COL4A4: variants seen among roughly 807,000 people sequenced by gnomAD.
COL4A4 encodes collagen alpha-4(IV) chain.
Under a neutral mutation model 192.9 loss-of-function variants are expected in COL4A4, and 105 were observed. The ratio of observed to expected loss-of-function variants is 0.54; its 90% confidence interval spans 0.46 to 0.64. The LOEUF (loss-of-function observed/expected upper bound fraction) is 0.64. COL4A4 is among the 30% of genes least tolerant of loss of function. The pLI, the probability that COL4A4 is intolerant of heterozygous loss-of-function variation, is 0.00. For missense variants in COL4A4, 1,967 were observed against 2,169.3 expected (o/e 0.91, Z 1.85); for synonymous variants, 762 against 769.9 (o/e 0.99, Z 0.17).
At chr2:227,008,430 G>C (rs531709172) in intron 46 of COL4A4, 126 bp from the exon 47 acceptor site, 8 of 1,101,478 alleles carry the variant, frequency 7.3e-6, no homozygotes, top group Non-Finnish European at 1.1e-5. Context: ...GCCAAAGCCT[G>C]CTTCTGTGGT....
At chr2:227,121,560 T>TAAAAA (rs2061789355) in intron 4 of COL4A4, among the ~76,000 whole-genome samples, 1 of 53,706 alleles carries the variant, frequency 1.9e-5, no homozygotes, top group African/African-American at 1.6e-4. Flanking sequence ...AGACCCTATC[T>TAAAAA]CAAAAAAAAA....
the COL4A4 span, among the ~76,000 whole-genome samples, chr2:226,983,155 C>T: frequency 6.6e-6 from 1 of 152,170 alleles, no homozygotes; most frequent in Admixed American, 6.5e-5. Flanking sequence ...GGCATGTGGG[C>T]ATCCAGCTCA....
At position 227,094,226 on chromosome 2, in the gene COL4A4, C is replaced by T; in HGVS notation, c.1268G>A (p.Gly423Asp). 1.2e-6 allele frequency: 2 copies of T among 1,613,822 alleles called. No individual in the cohort carries two copies. Among genetic ancestry groups the T allele is most frequent in the Non-Finnish European group, 1.7e-6 (2 of 1,179,914 alleles). ...AGCAGAATCAGGTCTCCCAGGAATA[C>T]CAGCTTCTCCTGGAAGCCCAGGAAG... ...PGLPGLPGEA[G>D]IPGRPDSAPG... is the part of the protein sequence containing the mutation. The change falls in exon 20 of 48, where the codon GGT (glycine) becomes GAT (aspartate). Residue 423 changes from glycine to aspartate, a missense_variant. Coordinates refer to ENST00000396625, the MANE Select transcript of COL4A4 (RefSeq NM_000092.5).
At chr2:226,984,417 C>T in the COL4A4 span, among the ~76,000 whole-genome samples, 3 of 152,204 alleles carry the variant, frequency 2.0e-5, no homozygotes, top group Admixed American at 1.3e-4. Context: ...AGTGCAAGCT[C>T]TGGCCTCTTC....
chr2:227,000,716 G>C (rs1478710727), downstream of COL4A4, among the ~76,000 whole-genome samples: 2 of 151,852 alleles, frequency 1.3e-5, no homozygotes, highest in Admixed American at 1.3e-4. Flanking sequence ...GGCTCCAGAG[G>C]TAATATGGTT....
intron 19 of COL4A4, among the ~76,000 whole-genome samples, chr2:227,095,953 C>A (rs1477463011): frequency 6.6e-6 from 1 of 152,038 alleles, no homozygotes; most frequent in East Asian, 1.9e-4. Flanking sequence ...AGAGTGACCA[C>A]CTCTCACAGC....
the COL4A4 span, among the ~76,000 whole-genome samples, chr2:226,979,454 C>T: frequency 6.6e-6 from 1 of 152,188 alleles, no homozygotes; most frequent in Non-Finnish European, 1.5e-5. Context: ...GCTCCTCCCC[C>T]CTGCAAATGG....
In COL4A4 at chr2:227,082,145, T is replaced by C. The variant is rs752442074; in HGVS notation, c.1666A>G (p.Lys556Glu). ...ACTCTTGATACAACCATGTCACCCT[T>C]CGCCCCTTTGTTGCCAGGTGGTCCA... is the stretch of plus-strand genomic sequence containing the variant. ...ASGPPGNKGA[K>E]GDMVVSRVKG... The change falls in exon 23 of 48, where the codon AAG becomes GAG. Residue 556 changes from lysine to glutamate, a missense_variant. Lys to Glu is a moderately conservative substitution (Grantham distance 56). Transcript: ENST00000396625. 2.1e-5 allele frequency: 34 copies of C among 1,614,184 alleles called. No individual in the cohort carries two copies. In the East Asian group the frequency reaches 7.6e-4, roughly 36 times the overall value.
intron 4 of COL4A4, among the ~76,000 whole-genome samples, chr2:227,125,948 GAAC>G (rs1369740020): frequency 6.6e-6 from 1 of 152,124 alleles, no homozygotes; most frequent in Non-Finnish European, 1.5e-5. Context: ...GAAAGGCAGA[GAAC>G]AACAAACTCT....
chr2:227,099,664 G>A lies in COL4A4; in HGVS notation c.1055C>T (p.Pro352Leu), dbSNP rs371717486. 327 of 1,613,988 alleles carry A rather than the reference G, an allele frequency of 2.0e-4. No individual in the cohort carries two copies. Among genetic ancestry groups the A allele is most frequent in the Non-Finnish European group, 2.6e-4 (308 of 1,179,994 alleles). ...AGTCACCAAAACACCTGGTGGTCCT[G>A]GGTGCCCTCGATTTCCAGGATCCCC... ...PKGDPGNRGHPGPPGVLVTPP... is the reference protein window; with the variant it reads ...PKGDPGNRGHLGPPGVLVTPP... Residue 352 changes from proline (P) to leucine (L), a missense_variant, in exon 18 of 48, where the codon CCA (proline) becomes CTA (leucine). Pro to Leu is a moderately conservative substitution (Grantham distance 98). Coordinates refer to ENST00000396625, the MANE Select transcript of COL4A4 (RefSeq NM_000092.5).
intron 1 of COL4A4, among the ~76,000 whole-genome samples, chr2:227,153,068 G>C (rs150546627): frequency 2.6e-5 from 4 of 152,300 alleles, no homozygotes; most frequent in Non-Finnish European, 4.4e-5. Flanking sequence ...GCAGGCAAGA[G>C]AGAATGAGAG....
At chr2:227,125,039 T>A (rs1047600521) in intron 4 of COL4A4, among the ~76,000 whole-genome samples, 3 of 152,156 alleles carry the variant, frequency 2.0e-5, no homozygotes. Context: ...ATCTCTTTAA[T>A]GTGTTTCATT....
At chr2:227,108,670 A>C in intron 11 of COL4A4, 48 bp from the exon 12 acceptor site, 1 of 1,603,550 alleles carries the variant, frequency 6.2e-7, no homozygotes, top group Non-Finnish European at 8.5e-7. Context: ...ATTTTAAAAA[A>C]GTAATTAAAA....
At chr2:227,033,800 A>G (rs970603996) in intron 37 of COL4A4, among the ~76,000 whole-genome samples, 1 of 152,200 alleles carries the variant, frequency 6.6e-6, no homozygotes. Flanking sequence ...CTTTGATTTT[A>G]TGACAATAAA....
chr2:227,040,115 C>T (rs776590980), intron 37 of COL4A4, among the ~76,000 whole-genome samples: 1 of 152,136 alleles, frequency 6.6e-6, no homozygotes, highest in Non-Finnish European at 1.5e-5. Context: ...GTGGGAAAAT[C>T]GTATTTGAAT....
At chr2:226,973,303 A>G in the COL4A4 span, among the ~76,000 whole-genome samples, 1 of 152,220 alleles carries the variant, frequency 6.6e-6, no homozygotes, top group Non-Finnish European at 1.5e-5. Context: ...AGTTAAGGAA[A>G]TCATTACTCA....
intron 41 of COL4A4, among the ~76,000 whole-genome samples, chr2:227,029,481 C>CA (rs1967788568): frequency 6.6e-6 from 1 of 152,216 alleles, no homozygotes; most frequent in African/African-American, 2.4e-5. Context: ...CCACAGATGC[C>CA]ATTTGCACTA....
At chr2:227,111,576 T>A in intron 9 of COL4A4, 102 bp downstream of exon 9, 1 of 1,268,042 alleles carries the variant, frequency 7.9e-7, no homozygotes, top group Non-Finnish European at 1.2e-6. Flanking sequence ...TTGCACTAGG[T>A]GAGCCGCACA....
intron 4 of COL4A4, among the ~76,000 whole-genome samples, chr2:227,122,668 C>T (rs1022184205): frequency 1.8e-4 from 28 of 152,152 alleles, no homozygotes; most frequent in Non-Finnish European, 3.8e-4. Context: ...AAGTGTTCTG[C>T]TAGGCAGCCA....
Sources: allele counts gnomAD v4.1 joint callset (sites outside exome capture counted in the v4.1 genomes callset), GRCh38; gene constraint gnomAD v4.1.1; transcripts MANE v1.5; gene names NCBI Gene and HGNC (gene_info 2026-07-23, HGNC 2026-07-21).